Variants in MAP3K13 observed in about 807,000 individuals in gnomAD.
MAP3K13 encodes the protein mitogen-activated protein kinase kinase kinase 13.
Under a neutral mutation model 104.0 loss-of-function variants are expected in MAP3K13, and 52 were observed. The observed-to-expected ratio is 0.50, with a 90% CI of 0.40 to 0.63. The LOEUF is 0.63. Ranked by LOEUF, MAP3K13 falls within the 20% of genes least tolerant of loss-of-function variation. The pLI is 0.00. For missense variants in MAP3K13, 914 were observed against 1,218.5 expected, an observed-to-expected ratio of 0.75 and a Z score of 3.72; for synonymous variants, 394 against 442.2, an observed-to-expected ratio of 0.89 and a Z score of 1.37.
intron 2 of MAP3K13, among the ~76,000 whole-genome samples, chr3:185,310,985 T>G (rs1721477316): frequency 6.6e-6 from 1 of 152,206 alleles, no homozygotes; most frequent in Admixed American, 6.5e-5. Flanking sequence ...TTAAGACAAC[T>G]TTGCAGAAGT....
chr3:185,467,110 G>T, intron 10 of MAP3K13, 147 bp downstream of exon 10: 1 of 809,330 alleles, frequency 1.2e-6, no homozygotes. Context: ...AACAGAGTAA[G>T]AAGGTGAGGG....
intron 1 of MAP3K13, among the ~76,000 whole-genome samples, chr3:185,388,359 G>A (rs749472581): frequency 7.9e-5 from 12 of 151,990 alleles, no homozygotes; most frequent in Admixed American, 5.2e-4. Context: ...AAAAGTAGCC[G>A]GATGTGGTGG....
At chr3:185,408,244 G>T (rs28526428) in intron 1 of MAP3K13, among the ~76,000 whole-genome samples, 1 of 151,894 alleles carries the variant, frequency 6.6e-6, no homozygotes, top group African/African-American at 2.4e-5. Flanking sequence ...AGCTTTCAGG[G>T]TCTTATTTAT....
In MAP3K13 at chr3:185,344,372, T is replaced by C. The variant is rs567013166; in HGVS notation, c.-86+58729T>C. 2.5e-4 allele frequency among the ~76,000 whole-genome samples: 38 copies of C among 152,326 alleles called. No homozygotes were observed. The South Asian group carries it at 7.0e-3, about 28-fold the overall frequency. On this transcript the variant is annotated intron_variant, in intron 2 of 14. Transcript: ENST00000424227. ...ACCCAGCCAATAAGAAGAGACTTGA[T>C]GATCTGTGACAAAAGAATCTGTTAC...
chr3:185,304,261 A>T (rs1256939931), intron 2 of MAP3K13, among the ~76,000 whole-genome samples: 1 of 152,212 alleles, frequency 6.6e-6, no homozygotes, highest in African/African-American at 2.4e-5. Flanking sequence ...AGGATGTTCC[A>T]TATGCCCTTG....
rs200211552 is a variant in MAP3K13, at chr3:185,473,309, G to A, written c.1978G>A (p.Gly660Arg). ...QSHHPRLNMH[G>R]QDIATCANNL... The stretch of plus-strand genomic sequence containing the variant: ...TCACCATCCCAGACTCAATATGCAC[G>A]GACAGGACATAGCAACCTGCGCCAA... Residue 660 changes from glycine to arginine, a missense_variant, in exon 11 of 14, where the codon GGA (glycine) becomes AGA (arginine). Gly to Arg is a moderately radical substitution (Grantham distance 125). This residue lies in a region of MAP3K13 where 583 missense variants were observed against 737.4 expected (regional missense o/e 0.79). Coordinates refer to ENST00000265026, the MANE Select transcript of MAP3K13 (RefSeq NM_004721.5). This position sits in a 1 kb window ranked among gnomAD's most constrained non-coding sequence, Gnocchi z 4.9. The A allele has an allele frequency of 5.1e-5, 82 of 1,614,044 alleles. No individual in the cohort carries two copies. Among genetic ancestry groups the A allele is most frequent in the Admixed American group, 6.7e-5 (4 of 60,002 alleles).
chr3:185,455,072 G>C (rs1415791893), intron 7 of MAP3K13, among the ~76,000 whole-genome samples: 9 of 97,688 alleles, frequency 9.2e-5, no homozygotes, highest in African/African-American at 3.1e-4. Context: ...ATATATATGA[G>C]ATATATGTGA....
intron 2 of MAP3K13, among the ~76,000 whole-genome samples, chr3:185,339,581 G>A (rs566101710): frequency 6.6e-6 from 1 of 152,294 alleles, no homozygotes; most frequent in Non-Finnish European, 1.5e-5. Flanking sequence ...CAGGGGCTGG[G>A]AAATTTTTTT....
intron 2 of MAP3K13, among the ~76,000 whole-genome samples, chr3:185,286,859 AT>A (rs879414039): frequency 0.013 from 1,903 of 146,200 alleles, 36 homozygotes; most frequent in African/African-American, 0.042. Flanking sequence ...TGCTGGGTTG[AT>A]TTTTTTTTTT....
At chr3:185,459,141 C>T (rs764338881) in intron 7 of MAP3K13, among the ~76,000 whole-genome samples, 2 of 152,072 alleles carry the variant, frequency 1.3e-5, no homozygotes, top group African/African-American at 4.8e-5. Flanking sequence ...CTGGGAGTTG[C>T]GGAGACACCC....
At chr3:185,422,223 C>T (rs895448971) in intron 1 of MAP3K13, among the ~76,000 whole-genome samples, 1 of 152,192 alleles carries the variant, frequency 6.6e-6, no homozygotes, top group Non-Finnish European at 1.5e-5. Context: ...CATGATACCA[C>T]GGCTATTTGT....
intron 2 of MAP3K13, among the ~76,000 whole-genome samples, chr3:185,336,454 A>T (rs1448852943): frequency 6.6e-6 from 1 of 150,510 alleles, no homozygotes; most frequent in Non-Finnish European, 1.5e-5. Flanking sequence ...AGGCAGGAAA[A>T]CCACTTGAAC....
intron 2 of MAP3K13, among the ~76,000 whole-genome samples, chr3:185,436,092 G>A (rs945355731): frequency 6.6e-6 from 1 of 152,140 alleles, no homozygotes; most frequent in African/African-American, 2.4e-5. Flanking sequence ...AAGCCTCAAT[G>A]GATTACATTC....
Position 185,447,872 on chromosome 3 carries a change from C to A in MAP3K13, c.935C>A (p.Ser312Ter). ...CTCAGTGACAAAAGTACCAAGATGT[C>A]ATTTGCTGGCACGGTCGCATGGATG... Reference protein sequence around the residue: ...KELSDKSTKMSFAGTVAWMAP... With the variant: ...KELSDKSTKM The change falls in exon 5 of 14, where the codon TCA becomes TAA. Residue 312 changes from serine (S) to a stop codon, truncating the protein, a stop_gained. Transcript: ENST00000265026. LOFTEE classifies it high-confidence loss of function. 1 of 1,614,050 alleles carries A rather than the reference C, an allele frequency of 6.2e-7. No individual in the cohort carries two copies. The highest frequency in any genetic ancestry group is 8.5e-7 in the Non-Finnish European group (1 of 1,179,946).
At chr3:185,452,149 CT>C (rs1482792501) in intron 7 of MAP3K13, among the ~76,000 whole-genome samples, 1 of 152,126 alleles carries the variant, frequency 6.6e-6, no homozygotes, top group African/African-American at 2.4e-5. Flanking sequence ...AGTGTGTCAC[CT>C]AGTAGCTCCA....
chr3:185,480,612 C>T, intron 13 of MAP3K13, 83 bp downstream of exon 13: 1 of 1,388,470 alleles, frequency 7.2e-7, no homozygotes, highest in Non-Finnish European at 9.7e-7. Flanking sequence ...TTACAATTTT[C>T]ATTTAATAAT....
At chr3:185,297,163 A>G (rs1720943955) in intron 2 of MAP3K13, among the ~76,000 whole-genome samples, 1 of 152,224 alleles carries the variant, frequency 6.6e-6, no homozygotes, top group African/African-American at 2.4e-5. Context: ...TTTCTGTATT[A>G]GGAAATTTCC....
rs2148936314 is a variant in MAP3K13 at position 185,487,959 on chromosome 3, A to G, written c.*5503A>G. 1 of 152,314 alleles carries G rather than the reference A, an allele frequency of 6.6e-6. No individual in the cohort carries two copies. Among genetic ancestry groups the G allele is most frequent in the East Asian group, 1.9e-4 (1 of 5,180 alleles). The allele number at this position is 152,314 out of a possible 1,614,324, so 9.4% of individuals were successfully genotyped here. On this transcript the variant is annotated 3_prime_UTR_variant, in exon 14 of 14. Coordinates refer to ENST00000265026, the MANE Select transcript of MAP3K13 (RefSeq NM_004721.5). ...TCCACCTGTGGCTGTCAGGGGCGGT[A>G]CCACAGAAAGGGGAAAGGCCACTTG...
At chr3:185,366,757 A>ACACATTG (rs1459698647) in intron 1 of MAP3K13, among the ~76,000 whole-genome samples, 11 of 152,196 alleles carry the variant, frequency 7.2e-5, no homozygotes, top group Non-Finnish European at 1.2e-4. Flanking sequence ...ATCTATTTAG[A>ACACATTG]CACATTGTCC....
Sources: allele counts gnomAD v4.1 joint callset (sites outside exome capture counted in the v4.1 genomes callset), GRCh38; gene constraint gnomAD v4.1.1; regional missense constraint gnomAD v4.1.1; non-coding constraint Gnocchi (gnomAD v3.1); transcripts MANE v1.5; gene names NCBI Gene and HGNC (gene_info 2026-07-23, HGNC 2026-07-21).